The following TRHDE variants were observed in gnomAD, a reference collection of about 807,000 sequenced individuals.
The protein encoded by TRHDE is thyrotropin-releasing hormone-degrading ectoenzyme.
TRHDE carries 72 observed loss-of-function variants against 125.7 expected under a neutral mutation model. That is an observed-to-expected ratio of 0.57 (90% CI 0.47 to 0.70). The LOEUF is 0.70. Ranked by LOEUF, TRHDE falls within the 30% of genes least tolerant of loss-of-function variation. The pLI is 0.00. For missense variants in TRHDE, 1,110 were observed against 1,327.1 expected (o/e 0.84, Z 2.54); for synonymous variants, 509 against 509.1 (o/e 1.00, Z 0.00).
In TRHDE at chr12:72,272,700, AAAG is replaced by A. The variant is rs201267265; in HGVS notation, c.62_64del (p.Lys21del). ...AGGAGGAGAAGAAAAAGAAGAAGAA[AAAG>A]AAGAGGAAGAAGAAGAAGGAGGAGG... On this transcript the variant is annotated inframe_deletion, in exon 1 of 19. Coordinates refer to ENST00000261180, the MANE Select transcript of TRHDE (RefSeq NM_013381.3). This position sits in a 1 kb window ranked among gnomAD's most constrained non-coding sequence, Gnocchi z 6.7. 6.6e-3 allele frequency: 7,137 copies of A among 1,084,548 alleles called. 62 individuals carry two copies. The highest frequency in any genetic ancestry group is 0.018 in the African/African-American group (1,121 of 61,196). 67.2% of individuals were successfully genotyped at this position (1,084,548 alleles called of 1,614,324 possible).
chr12:72,589,697 A>G (rs1490718460), intron 12 of TRHDE, among the ~76,000 whole-genome samples: 1 of 152,098 alleles, frequency 6.6e-6, no homozygotes, highest in Non-Finnish European at 1.5e-5. Context: ...GGATAGACTT[A>G]TATATAATAT....
intron 6 of TRHDE, among the ~76,000 whole-genome samples, chr12:72,524,806 GCTT>G (rs1372828197): frequency 4.6e-5 from 7 of 152,134 alleles, no homozygotes; most frequent in Non-Finnish European, 8.8e-5. Flanking sequence ...GCTAAATAAA[GCTT>G]CTACTATAAG....
chr12:72,197,495 T>C (rs1877468299), intron 2 of TRHDE, among the ~76,000 whole-genome samples: 1 of 152,176 alleles, frequency 6.6e-6, no homozygotes. Flanking sequence ...CTGATGATAA[T>C]TAAGTTTATT....
At chr12:72,562,615 ATTTAT>A (rs913547088) in intron 8 of TRHDE, among the ~76,000 whole-genome samples, 12 of 152,030 alleles carry the variant, frequency 7.9e-5, no homozygotes, top group African/African-American at 2.2e-4. Context: ...TAATAATAAC[ATTTAT>A]TTTATGTTAT....
chr12:72,499,580 A>G lies in TRHDE; in HGVS notation c.1667A>G (p.Glu556Gly). The change falls in exon 6 of 19, where the codon GAA becomes GGA. Residue 556 changes from glutamate (E) to glycine (G), a missense_variant. By Grantham distance (98) the Glu-to-Gly change is moderately conservative (BLOSUM62 -2). Transcript: ENST00000261180. Reference protein sequence around the residue: ...GLASSHPVSQEVLQATDIDRV... With the variant: ...GLASSHPVSQGVLQATDIDRV... ...GCCAGTTCCCATCCAGTATCACAGG[A>G]AGTGCTGCAGGCAACAGATATTGAC... 1 of 1,613,942 alleles carries G rather than the reference A, an allele frequency of 6.2e-7. No homozygotes were observed. The highest frequency in any genetic ancestry group is 8.5e-7 in the Non-Finnish European group (1 of 1,179,894).
intron 1 of TRHDE, among the ~76,000 whole-genome samples, chr12:72,281,808 T>G (rs1879707564): frequency 6.6e-6 from 1 of 152,208 alleles, no homozygotes; most frequent in Non-Finnish European, 1.5e-5. Flanking sequence ...CATTAATGCA[T>G]TACTTCTGCT....
At chr12:72,294,850 G>A (rs866679643) in intron 2 of TRHDE, among the ~76,000 whole-genome samples, 2 of 152,014 alleles carry the variant, frequency 1.3e-5, no homozygotes, top group South Asian at 4.1e-4. Flanking sequence ...CCCAAAATTT[G>A]TGGGGGGTGA....
At chr12:72,444,940 C>T (rs1056700204) in intron 3 of TRHDE, among the ~76,000 whole-genome samples, 5 of 151,860 alleles carry the variant, frequency 3.3e-5, no homozygotes, top group African/African-American at 1.2e-4. Flanking sequence ...TTACTATTCT[C>T]TTTCCTCCCA....
intron 2 of TRHDE, among the ~76,000 whole-genome samples, chr12:72,375,417 A>G (rs1439057359): frequency 6.6e-6 from 1 of 152,208 alleles, no homozygotes; most frequent in Non-Finnish European, 1.5e-5. Flanking sequence ...TTTCCATTAA[A>G]TCTTGACAAG....
At chr12:72,170,945 C>G (rs1876859598) in intron 2 of TRHDE, among the ~76,000 whole-genome samples, 1 of 152,032 alleles carries the variant, frequency 6.6e-6, no homozygotes, top group Non-Finnish European at 1.5e-5. Flanking sequence ...CTAATCTATT[C>G]GAGAGCTTCT....
chr12:72,179,580 C>T (rs1442215725), intron 2 of TRHDE, among the ~76,000 whole-genome samples: 1 of 152,056 alleles, frequency 6.6e-6, no homozygotes, highest in Non-Finnish European at 1.5e-5. Flanking sequence ...CTTCAAATAC[C>T]ACTTGCTTCA....
At chr12:72,450,025 A>T (rs1463844271) in intron 3 of TRHDE, among the ~76,000 whole-genome samples, 1 of 151,744 alleles carries the variant, frequency 6.6e-6, no homozygotes, top group Non-Finnish European at 1.5e-5. Flanking sequence ...TCTCATCTGA[A>T]TTTAATATTT....
At chr12:72,638,547 A>G (rs916929690) in intron 15 of TRHDE, among the ~76,000 whole-genome samples, 3 of 151,366 alleles carry the variant, frequency 2.0e-5, no homozygotes, top group African/African-American at 7.3e-5. Context: ...TCCTGTCATT[A>G]TGATGTTAGC....
intron 15 of TRHDE, among the ~76,000 whole-genome samples, chr12:72,628,886 C>T (rs554952252): frequency 9.9e-5 from 15 of 151,836 alleles, no homozygotes; most frequent in African/African-American, 3.6e-4. Flanking sequence ...TTCAACTAAG[C>T]TTTTCTAAAA....
Position 72,288,181 on chromosome 12 carries a change from C to T in TRHDE, c.1188+1227C>T, listed in dbSNP as rs1486489799. On this transcript the variant is annotated intron_variant, in intron 2 of 18. Coordinates refer to ENST00000261180, the MANE Select transcript of TRHDE (RefSeq NM_013381.3). Reference sequence around the variant, plus strand: ...CTTCTCATCCAGTAACCTTTGTATTCAGTGTTGCTTGAACACAGCAAAATA... The same window carrying T: ...CTTCTCATCCAGTAACCTTTGTATTTAGTGTTGCTTGAACACAGCAAAATA... 2.6e-5 allele frequency among the ~76,000 whole-genome samples: 4 copies of T among 152,046 alleles called. No individual in the cohort carries two copies. In the East Asian group the frequency reaches 7.7e-4, roughly 29 times the overall value.
At chr12:72,241,240 C>T (rs1878477438) in intron 2 of TRHDE, among the ~76,000 whole-genome samples, 1 of 152,186 alleles carries the variant, frequency 6.6e-6, no homozygotes, top group Admixed American at 6.5e-5. Flanking sequence ...ACCACCACTA[C>T]AATCAAGACA....
intron 2 of TRHDE, among the ~76,000 whole-genome samples, chr12:72,196,546 C>T (rs953027914): frequency 3.3e-5 from 5 of 151,968 alleles, no homozygotes; most frequent in Non-Finnish European, 4.4e-5. Context: ...TATTTGTGTA[C>T]AGAAATGCTA....
rs1879265035 is a variant in TRHDE, at chr12:72,272,539, G to T, written c.-105G>T. ...CCCGGGCCAGCATCCCCAGTCGCGC[G>T]CCCTCGGCCCGCGTGAGCTCTCCGA... On this transcript the variant is annotated 5_prime_UTR_variant, in exon 1 of 19. Transcript: ENST00000261180. The surrounding 1 kb of genome is among the most constrained non-coding windows in gnomAD (Gnocchi z 6.7). The T allele has an allele frequency of 1.6e-5, 9 of 563,994 alleles. No homozygotes were observed. Among genetic ancestry groups the T allele is most frequent in the East Asian group, 3.0e-5 (1 of 33,804 alleles). 34.9% of individuals were successfully genotyped at this position (563,994 alleles called of 1,614,324 possible).
At chr12:72,436,596 A>G (rs1287057159) in intron 3 of TRHDE, among the ~76,000 whole-genome samples, 1 of 151,954 alleles carries the variant, frequency 6.6e-6, no homozygotes, top group Non-Finnish European at 1.5e-5. Context: ...AGGCCCAGTG[A>G]TAAGACATGG....
Sources: allele counts gnomAD v4.1 joint callset (sites outside exome capture counted in the v4.1 genomes callset), GRCh38; gene constraint gnomAD v4.1.1; non-coding constraint Gnocchi (gnomAD v3.1); transcripts MANE v1.5; gene names NCBI Gene and HGNC (gene_info 2026-07-23, HGNC 2026-07-21).